Variants in ARB2A observed in about 807,000 individuals in gnomAD.
ARB2A encodes cotranscriptional regulator ARB2A.
chr5:93,871,325 G>A, the ARB2A span, among the ~76,000 whole-genome samples: 2 of 152,104 alleles, frequency 1.3e-5, no homozygotes, highest in Non-Finnish European at 2.9e-5. Flanking sequence ...AATGTATGAT[G>A]TTACAAAATC....
chr5:94,074,830 T>C, the ARB2A span: 1 of 1,121,556 alleles, frequency 8.9e-7, no homozygotes, highest in East Asian at 2.4e-5. Context: ...CCACGAGAAC[T>C]TCCTTGATCC....
chr5:94,096,162 T>C, the ARB2A span, among the ~76,000 whole-genome samples: 1 of 152,230 alleles, frequency 6.6e-6, no homozygotes, highest in African/African-American at 2.4e-5. Flanking sequence ...AAAATGATGA[T>C]ATCAAGAAGA....
chr5:93,677,149 C>A, the ARB2A span, among the ~76,000 whole-genome samples: 4 of 152,266 alleles, frequency 2.6e-5, no homozygotes, highest in African/African-American at 9.6e-5. Context: ...AGATTCATAA[C>A]ATATTATCAA....
the ARB2A span, among the ~76,000 whole-genome samples, chr5:93,709,712 T>C: frequency 3.1e-3 from 471 of 151,782 alleles, 6 homozygotes; most frequent in African/African-American, 0.01. Context: ...TATTTAGTTT[T>C]ATTGTGTTAC....
the ARB2A span, among the ~76,000 whole-genome samples, chr5:93,791,939 A>T: frequency 6.6e-6 from 1 of 152,070 alleles, no homozygotes; most frequent in Non-Finnish European, 1.5e-5. Flanking sequence ...GAAAAAGAAA[A>T]GGAAAAAAAA....
At chr5:94,055,825 T>A in the ARB2A span, 1 of 985,352 alleles carries the variant, frequency 1.0e-6, no homozygotes, top group Non-Finnish European at 1.2e-6. Flanking sequence ...CTTACAAACC[T>A]TTTAATCAGA....
At chr5:93,799,885 C>A in the ARB2A span, among the ~76,000 whole-genome samples, 1 of 151,982 alleles carries the variant, frequency 6.6e-6, no homozygotes, top group Non-Finnish European at 1.5e-5. Flanking sequence ...AAAATACCAG[C>A]ATGAAAAATA....
At chr5:93,639,530 T>G in the ARB2A span, among the ~76,000 whole-genome samples, 2 of 152,082 alleles carry the variant, frequency 1.3e-5, no homozygotes, top group African/African-American at 4.8e-5. Context: ...TTACTTTACA[T>G]CACTAATACA....
At chr5:93,804,559 C>T in the ARB2A span, among the ~76,000 whole-genome samples, 1 of 151,654 alleles carries the variant, frequency 6.6e-6, no homozygotes, top group African/African-American at 2.4e-5. Flanking sequence ...AAATATTAGT[C>T]TTCTGATATA....
chr5:93,854,026 G>T, the ARB2A span, among the ~76,000 whole-genome samples: 1 of 152,144 alleles, frequency 6.6e-6, no homozygotes, highest in African/African-American at 2.4e-5. Flanking sequence ...AGTTTCAGAA[G>T]GAATGGTACC....
At chr5:93,620,718 CA>C in the ARB2A span, 3 of 334,890 alleles carry the variant, frequency 9.0e-6, no homozygotes, top group Non-Finnish European at 1.6e-5. Flanking sequence ...CCGAGCCAGG[CA>C]GGGCGCTGTC....
chr5:93,792,764 T>C, the ARB2A span, among the ~76,000 whole-genome samples: 1 of 150,904 alleles, frequency 6.6e-6, no homozygotes, highest in Non-Finnish European at 1.5e-5. Context: ...GACAAGTTAA[T>C]GGGTGCAGCA....
chr5:94,022,403 T>C, the ARB2A span, among the ~76,000 whole-genome samples: 2 of 152,130 alleles, frequency 1.3e-5, no homozygotes, highest in African/African-American at 4.8e-5. Context: ...TCAGAAAGAC[T>C]GCATACAATG....
At chr5:93,946,872 CT>C in the ARB2A span, among the ~76,000 whole-genome samples, 2 of 152,080 alleles carry the variant, frequency 1.3e-5, no homozygotes, top group African/African-American at 2.4e-5. Context: ...ATGATTTATG[CT>C]TTTACTCTCA....
At chr5:93,971,086 T>C in the ARB2A span, among the ~76,000 whole-genome samples, 3 of 151,816 alleles carry the variant, frequency 2.0e-5, no homozygotes, top group African/African-American at 4.8e-5. Flanking sequence ...GCAAGCTCTG[T>C]CTCCTGGGTT....
the ARB2A span, among the ~76,000 whole-genome samples, chr5:94,024,347 C>G: frequency 6.6e-6 from 1 of 152,180 alleles, no homozygotes; most frequent in South Asian, 2.1e-4. Context: ...AACTGCAACT[C>G]ATTCCTGAGT....
the ARB2A span, among the ~76,000 whole-genome samples, chr5:93,645,569 T>C: frequency 7.1e-6 from 1 of 139,956 alleles, no homozygotes; most frequent in Non-Finnish European, 1.5e-5. Flanking sequence ...TGAGACTCCG[T>C]CTCAAAGAAA....
At chr5:93,637,350 T>C in the ARB2A span, among the ~76,000 whole-genome samples, 1 of 117,322 alleles carries the variant, frequency 8.5e-6, no homozygotes, top group Non-Finnish European at 1.7e-5. Context: ...ATTTGGGTTG[T>C]TTAGTTTTTT....
chr5:94,091,626 G>A, the ARB2A span, among the ~76,000 whole-genome samples: 8 of 152,240 alleles, frequency 5.3e-5, no homozygotes, highest in East Asian at 1.9e-4. Context: ...AGGGAGTTCC[G>A]ACTTGCCACA....
Sources: allele counts gnomAD v4.1 joint callset (sites outside exome capture counted in the v4.1 genomes callset), GRCh38; gene constraint gnomAD v4.1.1; transcripts MANE v1.5; gene names NCBI Gene and HGNC (gene_info 2026-07-23, HGNC 2026-07-21).